The following SYT7 variants were observed in gnomAD, a reference collection of about 807,000 sequenced individuals.
SYT7 encodes the protein synaptotagmin 7.
In SYT7, 29 loss-of-function variants were observed where a neutral mutation model predicts 75.1. The ratio of observed to expected loss-of-function variants is 0.39; its 90% CI spans 0.29 to 0.53. The LOEUF is 0.53. Ranked by LOEUF, SYT7 falls within the 20% of genes least tolerant of loss-of-function variation. The pLI is 0.77. For missense variants in SYT7, 693 were observed against 953.2 expected (o/e 0.73, Z 3.59); for synonymous variants, 376 against 401.7 (o/e 0.94, Z 0.76).
Position 61,566,888 on chromosome 11 carries a change from T to C in SYT7, c.32-10681A>G, listed in dbSNP as rs370134288. ...TCCTCATGCTGATGACTCAACTTTA[T>C]CTCCCCGAGTCATAGGCTTCCTCAC... is the stretch of plus-strand genomic sequence containing the variant. On this transcript the variant is annotated intron_variant, in intron 1 of 12. Transcript: ENST00000539008. Among the ~76,000 whole-genome samples the C allele has an allele frequency of 5.3e-5, 8 of 152,308 alleles. No homozygotes were observed. In the East Asian group the frequency reaches 1.3e-3, roughly 26 times the overall value.
chr11:61,551,363 A>C lies in SYT7; in HGVS notation c.215+21T>G. The C allele has an allele frequency of 1.2e-6, 2 of 1,612,988 alleles. No individual in the cohort carries two copies. The highest frequency in any genetic ancestry group is 1.7e-4 in the Middle Eastern group (1 of 6,060). On this transcript the variant is annotated intron_variant, in intron 3 of 12. Transcript: ENST00000539008. The surrounding 1 kb of genome is among the most constrained non-coding windows in gnomAD (Gnocchi z 5.3). ...GGGCTGCTTGTGTGGCCCCATCCCA[A>C]ACTAGCAGCCTGGCACCTACTTGAT...
intron 3 of SYT7, among the ~76,000 whole-genome samples, chr11:61,549,078 C>T (rs2063273479): frequency 6.6e-6 from 1 of 152,166 alleles, no homozygotes; most frequent in African/African-American, 2.4e-5. Context: ...ATGGGGCCTC[C>T]CTGCGTCAGG....
At chr11:61,550,040 C>A (rs947396325) in intron 3 of SYT7, among the ~76,000 whole-genome samples, 1 of 152,200 alleles carries the variant, frequency 6.6e-6, no homozygotes, top group Non-Finnish European at 1.5e-5. Context: ...CCCACGTGCT[C>A]CCTCGCCTTC....
At position 61,524,493 on chromosome 11, in the gene SYT7, A is replaced by G; in HGVS notation, c.1511T>C (p.Leu504Pro). The change falls in exon 10 of 13, where the codon CTC becomes CCC. Residue 504 changes from leucine to proline, a missense_variant. Transcript: ENST00000539008. This position sits in a 1 kb window ranked among gnomAD's most constrained non-coding sequence, Gnocchi z 4.1. ...GAAGCGGTCATAGTCCAGGACTTGG[A>G]GGTAGAGGATCCTCTGCACCACCTT... ...YEKVVQRILYLQVLDYDRFSR... is the reference protein window; with the variant it reads ...YEKVVQRILYPQVLDYDRFSR... The G allele has an allele frequency of 6.2e-7, 1 of 1,609,448 alleles. No homozygotes were observed. The highest frequency in any genetic ancestry group is 8.5e-7 in the Non-Finnish European group (1 of 1,177,394).
chr11:61,517,861 T>G lies in SYT7; in HGVS notation c.*766A>C. ...GGGAGAAGGGGAGGAGACGGGGGGATGGCAGGAGGCAGCCCAGTTCTCAGC... is the reference window on the plus strand; with the variant it reads ...GGGAGAAGGGGAGGAGACGGGGGGAGGGCAGGAGGCAGCCCAGTTCTCAGC... On this transcript the variant is annotated 3_prime_UTR_variant, in exon 13 of 13. Transcript: ENST00000539008. 34 of 223,124 alleles carry G rather than the reference T, an allele frequency of 1.5e-4. No homozygotes were observed. The highest frequency in any genetic ancestry group is 2.2e-4 in the Non-Finnish European group (26 of 115,760). The allele number at this position is 223,124 out of a possible 1,614,324, so 13.8% of individuals were successfully genotyped here. A position where few individuals can be genotyped will look rare whatever the true frequency, so the allele number is the denominator to read the frequency against.
intron 8 of SYT7, chr11:61,530,854 C>T (rs1426185010): frequency 2.0e-6 from 2 of 985,308 alleles, no homozygotes; most frequent in African/African-American, 3.5e-5. Context: ...GGGACAGAGC[C>T]ATCTCTGTGG....
At chr11:61,581,098 T>C, upstream of SYT7, 1 of 262,846 alleles carries the variant, frequency 3.8e-6, no homozygotes, top group Admixed American at 6.7e-5. Context: ...TGTGTGTGTG[T>C]ACGAGGCCGT....
chr11:61,564,813 G>A (rs1483429349), intron 1 of SYT7, among the ~76,000 whole-genome samples: 1 of 152,202 alleles, frequency 6.6e-6, no homozygotes, highest in African/African-American at 2.4e-5. Context: ...CTTTTCTGGG[G>A]CTCCTTCCCC....
At chr11:61,585,882 T>C (rs1013109674), upstream of SYT7, among the ~76,000 whole-genome samples, 1 of 152,186 alleles carries the variant, frequency 6.6e-6, no homozygotes, top group African/African-American at 2.4e-5. Flanking sequence ...GGCTGGTTAC[T>C]TGACATCTCT....
chr11:61,560,004 C>T (rs2063596939), intron 1 of SYT7, among the ~76,000 whole-genome samples: 1 of 152,182 alleles, frequency 6.6e-6, no homozygotes, highest in Admixed American at 6.5e-5. Context: ...GAAGAGCTGA[C>T]CCTGACCCTT....
intron 12 of SYT7, among the ~76,000 whole-genome samples, chr11:61,522,535 G>A (rs1213395976): frequency 1.3e-5 from 2 of 152,044 alleles, no homozygotes; most frequent in African/African-American, 2.4e-5. Flanking sequence ...CAATTCTTAC[G>A]CCACCCTGTA....
intron 7 of SYT7, among the ~76,000 whole-genome samples, chr11:61,536,740 T>C (rs1027446331): frequency 2.6e-5 from 4 of 151,508 alleles, no homozygotes; most frequent in Non-Finnish European, 5.9e-5. Context: ...CTGGGAGGGG[T>C]GGTCTCCAGG....
At chr11:61,522,128 G>A (rs1292950804) in intron 12 of SYT7, among the ~76,000 whole-genome samples, 2 of 151,458 alleles carry the variant, frequency 1.3e-5, no homozygotes, top group South Asian at 2.1e-4. Context: ...ACAGAATCCC[G>A]TCCTGGGAAA....
At chr11:61,521,316 G>A (rs2062322031) in intron 12 of SYT7, among the ~76,000 whole-genome samples, 1 of 152,240 alleles carries the variant, frequency 6.6e-6, no homozygotes, top group Non-Finnish European at 1.5e-5. Flanking sequence ...AGGTAGGCCT[G>A]TTTCAGAAGG....
chr11:61,588,225 C>G, the SYT7 span, among the ~76,000 whole-genome samples: 1 of 152,164 alleles, frequency 6.6e-6, no homozygotes, highest in African/African-American at 2.4e-5. Flanking sequence ...CCAGCCTGAG[C>G]GCCAGAATCC....
chr11:61,524,713 C>T lies in SYT7; in HGVS notation c.1472-181G>A, dbSNP rs557347466. On this transcript the variant is annotated intron_variant, in intron 9 of 12. Coordinates refer to ENST00000539008, the MANE Select transcript of SYT7 (RefSeq NM_001365809.2). This position sits in a 1 kb window ranked among gnomAD's most constrained non-coding sequence, Gnocchi z 4.1. ...CTGAAGTGCTAGCAAGAACTGTCACCGTCTCATGGGATTCCCTCAACAATT... is the reference window on the plus strand; with the variant it reads ...CTGAAGTGCTAGCAAGAACTGTCACTGTCTCATGGGATTCCCTCAACAATT... The T allele has an allele frequency of 5.7e-5, 32 of 557,384 alleles. No individual in the cohort carries two copies. The East Asian group carries it at 9.8e-4, about 17-fold the overall frequency. The allele number at this position is 557,384 out of a possible 1,614,324, so 34.5% of individuals were successfully genotyped here. A position where few individuals can be genotyped will look rare whatever the true frequency, so the allele number is the denominator to read the frequency against.
In SYT7 at chr11:61,546,548, G is replaced by A; in HGVS notation, c.348-293C>T. The A allele has an allele frequency of 6.0e-6, 3 of 497,226 alleles. No homozygotes were observed. Among genetic ancestry groups the A allele is most frequent in the South Asian group, 5.0e-5 (3 of 59,674 alleles). 30.8% of individuals were successfully genotyped at this position (497,226 alleles called of 1,614,324 possible). A position where few individuals can be genotyped will look rare whatever the true frequency, so the allele number is the denominator to read the frequency against. On this transcript the variant is annotated intron_variant, in intron 4 of 12. Transcript: ENST00000539008. This position sits in a 1 kb window ranked among gnomAD's most constrained non-coding sequence, Gnocchi z 7.6. ...AGAACAACGCACCACGACAACGGAG[G>A]GGGGGCCCCTCCCCACCGCCTGGGG...
chr11:61,528,494 C>T (rs568939663), intron 8 of SYT7, among the ~76,000 whole-genome samples: 5 of 152,286 alleles, frequency 3.3e-5, no homozygotes, highest in African/African-American at 9.6e-5. Flanking sequence ...TCAGCTGCCT[C>T]GCCTTCCTGG....
At chr11:61,550,723 T>C (rs1199156658) in intron 3 of SYT7, among the ~76,000 whole-genome samples, 1 of 152,106 alleles carries the variant, frequency 6.6e-6, no homozygotes, top group East Asian at 1.9e-4. Context: ...CTTCTCTTGG[T>C]GTCTCCCAGT....
Sources: allele counts gnomAD v4.1 joint callset (sites outside exome capture counted in the v4.1 genomes callset), GRCh38; gene constraint gnomAD v4.1.1; non-coding constraint Gnocchi (gnomAD v3.1); transcripts MANE v1.5; gene names NCBI Gene and HGNC (gene_info 2026-07-23, HGNC 2026-07-21).